PTPN3: variants seen among roughly 807,000 people sequenced by gnomAD.
PTPN3 encodes tyrosine-protein phosphatase non-receptor type 3.
Under a neutral mutation model 132.7 loss-of-function variants are expected in PTPN3, and 96 were observed. The ratio of observed to expected loss-of-function variants is 0.72; its 90% CI spans 0.61 to 0.86. The LOEUF (loss-of-function observed/expected upper bound fraction) is 0.86. Among genes scored for constraint, PTPN3 ranks in the 40% least tolerant of loss-of-function variants. PTPN3 has a pLI of 0.00. For synonymous variants in PTPN3, 398 were observed against 429.0 expected, an observed-to-expected ratio of 0.93 and a Z score of 0.89; for missense variants, 1,125 against 1,159.6, an observed-to-expected ratio of 0.97 and a Z score of 0.43.
chr9:109,499,222 G>A (rs568283586), upstream of PTPN3, among the ~76,000 whole-genome samples: 24 of 152,222 alleles, frequency 1.6e-4, no homozygotes, highest in South Asian at 5.0e-3. Context: ...AAAGAGCAGG[G>A]TCAGGAGATT....
upstream of PTPN3, among the ~76,000 whole-genome samples, chr9:109,499,208 G>T (rs1383613182): frequency 6.6e-6 from 1 of 152,090 alleles, no homozygotes; most frequent in Non-Finnish European, 1.5e-5. Flanking sequence ...AGTTCTAAGA[G>T]GAAAAAGAGC....
chr9:109,401,305 G>C (rs2131697864), intron 19 of PTPN3, among the ~76,000 whole-genome samples: 1 of 152,282 alleles, frequency 6.6e-6, no homozygotes, highest in Non-Finnish European at 1.5e-5. Flanking sequence ...AACAGGTGCT[G>C]ATCTTGTTAA....
intron 1 of PTPN3, among the ~76,000 whole-genome samples, chr9:109,471,146 T>C (rs1846360730): frequency 6.6e-6 from 1 of 151,860 alleles, no homozygotes; most frequent in Non-Finnish European, 1.5e-5. Flanking sequence ...AACCTCCGTC[T>C]CCTGGGCTGA....
chr9:109,507,098 A>G, the PTPN3 span, among the ~76,000 whole-genome samples: 14 of 152,338 alleles, frequency 9.2e-5, no homozygotes, highest in Admixed American at 3.9e-4. Flanking sequence ...ACAACAATCC[A>G]TACCTTGCTT....
intron 7 of PTPN3, among the ~76,000 whole-genome samples, chr9:109,442,819 G>A (rs59650610): frequency 6.6e-6 from 1 of 152,152 alleles, no homozygotes; most frequent in Non-Finnish European, 1.5e-5. Context: ...GAGGTCTGGA[G>A]AAGCTCAAAG....
chr9:109,397,524 T>TC (rs771444879), intron 19 of PTPN3: 1 of 152,174 alleles, frequency 6.6e-6, no homozygotes, highest in Non-Finnish European at 1.5e-5. Context: ...AATTAACAGT[T>TC]CACTACTCAC....
chr9:109,459,924 C>T (rs1443911072), intron 2 of PTPN3, among the ~76,000 whole-genome samples: 5 of 152,208 alleles, frequency 3.3e-5, no homozygotes, highest in African/African-American at 1.2e-4. Context: ...CATCCACTTG[C>T]TTCTCAGGGG....
chr9:109,477,871 C>A (rs948493352), intron 1 of PTPN3, among the ~76,000 whole-genome samples: 1 of 152,244 alleles, frequency 6.6e-6, no homozygotes, highest in Non-Finnish European at 1.5e-5. Context: ...GGAAGCTGAG[C>A]TTCTCAGCAA....
intron 22 of PTPN3, among the ~76,000 whole-genome samples, chr9:109,385,075 C>A (rs1174603562): frequency 1.3e-5 from 2 of 152,226 alleles, no homozygotes; most frequent in East Asian, 3.9e-4. Context: ...AAGATATTCT[C>A]TGATGAGATC....
chr9:109,478,999 G>T lies in PTPN3; in HGVS notation c.-17-15548C>A, dbSNP rs189946223. Among the ~76,000 whole-genome samples, 1,164 of 150,804 alleles carry T rather than the reference G, an allele frequency of 7.7e-3. 11 individuals are homozygous for T. The highest frequency in any genetic ancestry group is 0.031 in the Middle Eastern group (9 of 292). On this transcript the variant is annotated intron_variant, in intron 1 of 25. Transcript: ENST00000374541. The stretch of plus-strand genomic sequence containing the variant: ...TTTTTTCTGTTCTTTTAAATCTCCG[G>T]TAAACAAGCGTTTTTTTTTTTTTTA...
At chr9:109,520,724 G>C in the PTPN3 span, among the ~76,000 whole-genome samples, 1 of 152,142 alleles carries the variant, frequency 6.6e-6, no homozygotes, top group African/African-American at 2.4e-5. Context: ...TTAAATTCAC[G>C]TACGTTAAGG....
At chr9:109,526,534 C>T in the PTPN3 span, among the ~76,000 whole-genome samples, 983 of 151,966 alleles carry the variant, frequency 6.5e-3, 6 homozygotes, top group Non-Finnish European at 0.01. Flanking sequence ...AATTAGCCGA[C>T]CATAGTGGCA....
chr9:109,465,473 G>A (rs1307726372), intron 1 of PTPN3, among the ~76,000 whole-genome samples: 1 of 152,132 alleles, frequency 6.6e-6, no homozygotes, highest in Non-Finnish European at 1.5e-5. Context: ...ACTTTGGGAG[G>A]CTGAAGCAGA....
At chr9:109,508,646 G>T in the PTPN3 span, among the ~76,000 whole-genome samples, 15 of 152,270 alleles carry the variant, frequency 9.9e-5, no homozygotes, top group South Asian at 1.0e-3. Context: ...AGCAAGAAGG[G>T]TGATGTTGTA....
the PTPN3 span, among the ~76,000 whole-genome samples, chr9:109,508,566 A>G: frequency 5.3e-4 from 80 of 152,276 alleles, no homozygotes; most frequent in African/African-American, 1.8e-3. Flanking sequence ...GGCTGTGACT[A>G]TTATGTCTAA....
chr9:109,420,700 T>A, intron 13 of PTPN3, 100 bp from the exon 14 acceptor site: 1 of 1,252,514 alleles, frequency 8.0e-7, no homozygotes, highest in Non-Finnish European at 1.1e-6. Flanking sequence ...TTTCTAAGGA[T>A]GCCTTCCTTG....
At chr9:109,452,003 C>T (rs1268709768) in intron 5 of PTPN3, among the ~76,000 whole-genome samples, 1 of 152,180 alleles carries the variant, frequency 6.6e-6, no homozygotes, top group Non-Finnish European at 1.5e-5. Context: ...GGCACAGAGG[C>T]TCATGCCTGT....
At chr9:109,402,470 G>A (rs1270005546) in intron 19 of PTPN3, among the ~76,000 whole-genome samples, 1 of 151,830 alleles carries the variant, frequency 6.6e-6, no homozygotes, top group African/African-American at 2.4e-5. Flanking sequence ...ATAGAGACAG[G>A]GTTTCACCAT....
the PTPN3 span, among the ~76,000 whole-genome samples, chr9:109,531,953 T>C: frequency 6.6e-6 from 1 of 152,234 alleles, no homozygotes; most frequent in Non-Finnish European, 1.5e-5. Flanking sequence ...TTGAAATGTG[T>C]TCTACCTCTT....
Sources: gnomAD v4.1 joint callset for allele counts (sites outside exome capture counted in the v4.1 genomes callset) on GRCh38, gnomAD v4.1.1 for gene constraint, MANE v1.5 for transcripts, NCBI Gene and HGNC (gene_info 2026-07-23, HGNC 2026-07-21) for gene names.